PEX14: variants seen among roughly 807,000 people sequenced by gnomAD.
PEX14 encodes peroxisomal membrane protein PEX14.
In PEX14, 15 loss-of-function variants were observed where a neutral mutation model predicts 49.5. The observed-to-expected ratio is 0.30, with a 90% CI of 0.20 to 0.47. PEX14 has a LOEUF of 0.47. Ranked by LOEUF, PEX14 falls within the 20% of genes least tolerant of loss-of-function variation. The pLI is 1.00. For missense variants in PEX14, 398 were observed against 494.8 expected (o/e 0.80, Z 1.86); for synonymous variants, 210 against 212.7 (o/e 0.99, Z 0.11).
intron 3 of PEX14, among the ~76,000 whole-genome samples, chr1:10,546,567 A>G (rs1308954904): frequency 2.0e-5 from 3 of 146,708 alleles, no homozygotes; most frequent in Non-Finnish European, 4.5e-5. Flanking sequence ...CTGTTTCAAA[A>G]AAAAAAAAAA....
In PEX14 at chr1:10,482,721, C is replaced by T. The variant is rs138734418; in HGVS notation, c.36+7719C>T. Among the ~76,000 whole-genome samples, 815 of 152,196 alleles carry T rather than the reference C, an allele frequency of 5.4e-3. 1 individual carries two copies. Among genetic ancestry groups the T allele is most frequent in the Non-Finnish European group, 8.2e-3 (560 of 68,004 alleles). On this transcript the variant is annotated intron_variant, in intron 1 of 8. Transcript: ENST00000356607. ...TGCTGGGATTACAAGCATGAGCCAC[C>T]GTGCCTGGCCTGAGCCATTCTACTT...
At position 10,571,225 on chromosome 1, in the gene PEX14, G is replaced by C. The variant is rs1354693806; in HGVS notation, c.170-28013G>C. ...ACTTTAGAATCTAATTTTCAGCTAAGATGTGATTCCATTTTATGTTCCAGA... is the reference window on the plus strand; with the variant it reads ...ACTTTAGAATCTAATTTTCAGCTAACATGTGATTCCATTTTATGTTCCAGA... On this transcript the variant is annotated intron_variant, in intron 3 of 8. Transcript: ENST00000356607. Among the ~76,000 whole-genome samples the C allele has an allele frequency of 2.6e-5, 4 of 151,904 alleles. No homozygotes were observed. In the East Asian group the frequency reaches 7.7e-4, roughly 29 times the overall value.
chr1:10,535,579 G>A (rs1638775640), intron 2 of PEX14, among the ~76,000 whole-genome samples: 1 of 152,174 alleles, frequency 6.6e-6, no homozygotes, highest in Admixed American at 6.5e-5. Context: ...TGTGGTCTCT[G>A]CCCTTCACTT....
chr1:10,534,676 C>T (rs1038426676), intron 2 of PEX14, among the ~76,000 whole-genome samples: 1 of 152,078 alleles, frequency 6.6e-6, no homozygotes, highest in Non-Finnish European at 1.5e-5. Context: ...GTGGTTAGTA[C>T]TGTCGGCAGC....
chr1:10,524,931 T>A (rs1638426343), intron 2 of PEX14, among the ~76,000 whole-genome samples: 1 of 152,236 alleles, frequency 6.6e-6, no homozygotes, highest in South Asian at 2.1e-4. Context: ...CCTCCAGCCA[T>A]CCTCCTGCCT....
At chr1:10,601,024 G>A (rs1640969336) in intron 4 of PEX14, among the ~76,000 whole-genome samples, 1 of 152,160 alleles carries the variant, frequency 6.6e-6, no homozygotes, top group Non-Finnish European at 1.5e-5. Flanking sequence ...CACTTTGGGA[G>A]GCCAAGGCGG....
intron 3 of PEX14, among the ~76,000 whole-genome samples, chr1:10,580,158 T>G (rs1640270972): frequency 6.6e-6 from 1 of 152,192 alleles, no homozygotes. Context: ...TATACTCATA[T>G]ATTTATATGT....
At chr1:10,491,533 A>C (rs1019550451) in intron 1 of PEX14, among the ~76,000 whole-genome samples, 2 of 151,376 alleles carry the variant, frequency 1.3e-5, no homozygotes, top group Non-Finnish European at 2.9e-5. Context: ...CACCCGGCTA[A>C]TTTTTAAATT....
At chr1:10,607,789 C>T (rs1379008783) in intron 4 of PEX14, among the ~76,000 whole-genome samples, 1 of 152,168 alleles carries the variant, frequency 6.6e-6, no homozygotes, top group East Asian at 1.9e-4. Flanking sequence ...TGGTCAGATA[C>T]ATGTATTATG....
intron 3 of PEX14, among the ~76,000 whole-genome samples, chr1:10,559,148 TTTG>T (rs1639577636): frequency 6.6e-6 from 1 of 152,176 alleles, no homozygotes; most frequent in Non-Finnish European, 1.5e-5. Context: ...TTATTATTAT[TTTG>T]ACTGGCCCTT....
At chr1:10,551,186 A>G (rs1284226314) in intron 3 of PEX14, among the ~76,000 whole-genome samples, 1 of 152,102 alleles carries the variant, frequency 6.6e-6, no homozygotes, top group Non-Finnish European at 1.5e-5. Context: ...CAATCATATC[A>G]TTTTTTATAG....
intron 4 of PEX14, among the ~76,000 whole-genome samples, chr1:10,610,515 C>G (rs549879908): frequency 6.6e-6 from 1 of 151,070 alleles, no homozygotes; most frequent in African/African-American, 2.4e-5. Context: ...GAGTTTCACT[C>G]TTGTTGCCCA....
chr1:10,528,253 C>A (rs1426285403), intron 2 of PEX14: 135 of 931,212 alleles, frequency 1.4e-4, no homozygotes, highest in Non-Finnish European at 1.7e-4. Flanking sequence ...TCCCGCAGTT[C>A]AATAGTGCAT....
chr1:10,592,959 GC>G (rs1483500564), intron 3 of PEX14, among the ~76,000 whole-genome samples: 5 of 152,090 alleles, frequency 3.3e-5, no homozygotes, highest in African/African-American at 1.2e-4. Flanking sequence ...ATCCCTCTTT[GC>G]CTCTTCTGTT....
intron 3 of PEX14, among the ~76,000 whole-genome samples, chr1:10,541,911 G>C (rs375036277): frequency 1.0e-3 from 156 of 152,278 alleles, no homozygotes; most frequent in African/African-American, 3.6e-3. Context: ...TTCACCCTGC[G>C]ATGGGGAAAT....
intron 3 of PEX14, among the ~76,000 whole-genome samples, chr1:10,575,074 T>TAA (rs142120114): frequency 1.1e-4 from 13 of 123,412 alleles, no homozygotes; most frequent in Admixed American, 1.5e-4. Context: ...GTCTCTTAAA[T>TAA]AAAAAAAAAA....
At position 10,529,141 on chromosome 1, in the gene PEX14, G is replaced by A. The variant is rs1638573409; in HGVS notation, c.85-7072G>A. Among the ~76,000 whole-genome samples, 2 of 152,194 alleles carry A rather than the reference G, an allele frequency of 1.3e-5. No individual in the cohort carries two copies. The highest frequency in any genetic ancestry group is 6.5e-5 in the Admixed American group (1 of 15,280). On this transcript the variant is annotated intron_variant, in intron 2 of 8. Transcript: ENST00000356607. This position sits in a 1 kb window ranked among gnomAD's most constrained non-coding sequence, Gnocchi z 4.2. ...GCGTGGGGACAAGGCATTTAAATGT[G>A]CTTTTCTTTCTCCCTGAAGGAGAAA...
chr1:10,552,103 T>A lies in PEX14; in HGVS notation c.169+15806T>A, dbSNP rs1186608292. On this transcript the variant is annotated intron_variant, in intron 3 of 8. Coordinates refer to ENST00000356607, the MANE Select transcript of PEX14 (RefSeq NM_004565.3). Reference sequence around the variant, plus strand: ...ACAAGACTCTGTCTCAAAAAAAAAATAAGTTATACTGCATACTGCATACTT... The same window carrying A: ...ACAAGACTCTGTCTCAAAAAAAAAAAAAGTTATACTGCATACTGCATACTT... 5.9e-5 allele frequency among the ~76,000 whole-genome samples: 9 copies of A among 151,714 alleles called. 1 individual carries two copies. The highest frequency in any genetic ancestry group is 2.2e-4 in the African/African-American group (9 of 41,330).
intron 4 of PEX14, among the ~76,000 whole-genome samples, chr1:10,610,131 T>C (rs1194776276): frequency 2.0e-5 from 3 of 148,280 alleles, no homozygotes; most frequent in Non-Finnish European, 4.5e-5. Context: ...ATTTGGAAAA[T>C]ACATATAAAA....
Sources: gnomAD v4.1 joint callset for allele counts (sites outside exome capture counted in the v4.1 genomes callset) on GRCh38, gnomAD v4.1.1 for gene constraint, Gnocchi (gnomAD v3.1) non-coding constraint, MANE v1.5 for transcripts, NCBI Gene and HGNC (gene_info 2026-07-23, HGNC 2026-07-21) for gene names.